Variants in ALK observed in about 807,000 individuals in gnomAD.
ALK encodes ALK tyrosine kinase receptor.
A neutral mutation model predicts 163.1 loss-of-function variants in ALK; 74 were observed. That is an observed-to-expected ratio of 0.45 (90% confidence interval 0.38 to 0.55). The LOEUF (loss-of-function observed/expected upper bound fraction) is 0.55. Ranked by LOEUF, ALK falls within the 20% of genes least tolerant of loss-of-function variation. The pLI is 0.00. For synonymous variants in ALK, 960 were observed against 843.2 expected (o/e 1.14, Z -2.40); for missense variants, 2,063 against 2,105.3 (o/e 0.98, Z 0.39).
At chr2:29,539,440 T>G (rs1041307788) in intron 3 of ALK, among the ~76,000 whole-genome samples, 2 of 152,266 alleles carry the variant, frequency 1.3e-5, no homozygotes, top group South Asian at 4.1e-4. Context: ...CAAATTTCAT[T>G]GCCAGTTGTG....
At chr2:29,839,780 T>C (rs1041260505) in intron 1 of ALK, among the ~76,000 whole-genome samples, 1 of 152,182 alleles carries the variant, frequency 6.6e-6, no homozygotes, top group Non-Finnish European at 1.5e-5. Flanking sequence ...TTCTCTGGAT[T>C]TCTGTGGCTC....
At chr2:29,373,062 C>T (rs915480714) in intron 5 of ALK, among the ~76,000 whole-genome samples, 1 of 152,190 alleles carries the variant, frequency 6.6e-6, no homozygotes, top group African/African-American at 2.4e-5. Flanking sequence ...CAAGCCCCTT[C>T]CCCATCACCA....
At chr2:29,316,499 G>A (rs763910727) in intron 8 of ALK, among the ~76,000 whole-genome samples, 17 of 151,898 alleles carry the variant, frequency 1.1e-4, no homozygotes, top group Non-Finnish European at 2.4e-4. Context: ...TTAGAGAAAT[G>A]ATGAAGTATT....
chr2:29,859,563 C>A (rs79979725), intron 1 of ALK, among the ~76,000 whole-genome samples: 1 of 151,832 alleles, frequency 6.6e-6, no homozygotes, highest in Non-Finnish European at 1.5e-5. Context: ...ACGGCAAAAC[C>A]GCAGGTGGAA....
intron 25 of ALK, among the ~76,000 whole-genome samples, chr2:29,209,332 G>A (rs1198809942): frequency 6.6e-6 from 1 of 151,992 alleles, no homozygotes; most frequent in Non-Finnish European, 1.5e-5. Flanking sequence ...CCTGAGGTTG[G>A]GAGTTTGAGG....
chr2:29,718,442 C>T (rs1679327258), intron 1 of ALK, among the ~76,000 whole-genome samples: 1 of 152,198 alleles, frequency 6.6e-6, no homozygotes, highest in Non-Finnish European at 1.5e-5. Context: ...CAGAAAATCC[C>T]AAGCTCAATC....
chr2:29,606,938 C>A (rs114981301), intron 3 of ALK, among the ~76,000 whole-genome samples: 106 of 152,340 alleles, frequency 7.0e-4, no homozygotes, highest in African/African-American at 2.5e-3. Flanking sequence ...ACAGTGCTCA[C>A]CAGCCTTTAA....
chr2:29,805,266 G>T (rs1395796421), intron 1 of ALK, among the ~76,000 whole-genome samples: 3 of 152,180 alleles, frequency 2.0e-5, no homozygotes, highest in Non-Finnish European at 4.4e-5. Flanking sequence ...TATACAAATA[G>T]GCTCGAGCTC....
At chr2:29,628,405 T>G (rs894009946) in intron 3 of ALK, among the ~76,000 whole-genome samples, 1 of 152,206 alleles carries the variant, frequency 6.6e-6, no homozygotes, top group Non-Finnish European at 1.5e-5. Context: ...CATTTTTTTC[T>G]TAACTCCATG....
At chr2:29,750,767 G>C (rs919451279) in intron 1 of ALK, among the ~76,000 whole-genome samples, 3 of 151,750 alleles carry the variant, frequency 2.0e-5, no homozygotes, top group Non-Finnish European at 2.9e-5. Flanking sequence ...GAAAGAGAAA[G>C]AAAGAGAATG....
chr2:29,437,806 A>G (rs191198531), intron 4 of ALK, among the ~76,000 whole-genome samples: 38 of 152,310 alleles, frequency 2.5e-4, no homozygotes, highest in Non-Finnish European at 4.1e-4. Flanking sequence ...ATTAGTAATC[A>G]ACCAAACTTG....
At chr2:29,673,735 G>A (rs1446614102) in intron 3 of ALK, among the ~76,000 whole-genome samples, 2 of 149,742 alleles carry the variant, frequency 1.3e-5, no homozygotes, top group African/African-American at 4.9e-5. Flanking sequence ...GTAGCTTGAT[G>A]GGGATGGCAT....
At position 29,225,655 on chromosome 2, in the gene ALK, CA is replaced by C. The variant is rs1663958663; in HGVS notation, c.3068-91del. The C allele has an allele frequency of 1.0e-5, 11 of 1,070,456 alleles. No individual in the cohort carries two copies. In the South Asian group the frequency reaches 1.1e-4, roughly 10 times the overall value. The allele number at this position is 1,070,456 out of a possible 1,614,324, so 66.3% of individuals were successfully genotyped here. A position where few individuals can be genotyped will look rare whatever the true frequency, so the allele number is the denominator to read the frequency against. ...TCAGAAATAACCTCCCCCACTGAGA[CA>C]AAAACTACTTGCTCCTTCCCATCGC... is the stretch of plus-strand genomic sequence containing the variant. On this transcript the variant is annotated intron_variant, in intron 18 of 28. Transcript: ENST00000389048.
At chr2:29,917,674 C>T (rs4233753) in intron 1 of ALK, among the ~76,000 whole-genome samples, 51,881 of 152,038 alleles carry the variant, frequency 0.34, 10,473 homozygotes, top group Middle Eastern at 0.47. Context: ...CATATGTCCT[C>T]AGAGAAAGGA....
chr2:29,213,447 G>T (rs543642457), intron 24 of ALK, among the ~76,000 whole-genome samples: 1 of 152,250 alleles, frequency 6.6e-6, no homozygotes, highest in South Asian at 2.1e-4. Flanking sequence ...CAGCATCCTT[G>T]CCTATAAGCC....
chr2:29,703,401 T>A (rs562628733), intron 2 of ALK, among the ~76,000 whole-genome samples: 1 of 152,216 alleles, frequency 6.6e-6, no homozygotes, highest in Non-Finnish European at 1.5e-5. Flanking sequence ...TTCACAGGAA[T>A]AGAGCACAAG....
intron 3 of ALK, among the ~76,000 whole-genome samples, chr2:29,683,245 C>T (rs765675118): frequency 1.2e-4 from 19 of 152,062 alleles, no homozygotes; most frequent in South Asian, 2.1e-4. Context: ...GGTGTGGTGG[C>T]GCACACCTGT....
At chr2:29,418,526 C>T (rs1458195640) in intron 4 of ALK, among the ~76,000 whole-genome samples, 1 of 152,174 alleles carries the variant, frequency 6.6e-6, no homozygotes, top group Non-Finnish European at 1.5e-5. Context: ...TGTAATTTTT[C>T]AGTCCTTACC....
In ALK at chr2:29,216,959, G is replaced by GGCA. The variant is rs1388536488; in HGVS notation, c.3646-2879_3646-2878insTGC. The stretch of plus-strand genomic sequence containing the variant: ...GGTGTGTGTGTGGCATGTGATGTGT[G>GGCA]TGTGGTGTGTGCGTGGTGTGTGTGT... On this transcript the variant is annotated intron_variant, in intron 23 of 28. Coordinates refer to ENST00000389048, the MANE Select transcript of ALK (RefSeq NM_004304.5). Among the ~76,000 whole-genome samples the GGCA allele has an allele frequency of 2.2e-4, 20 of 91,098 alleles. No individual in the cohort carries two copies. The Middle Eastern group carries it at 0.021, about 96-fold the overall frequency. 59.8% of individuals were successfully genotyped at this position (91,098 alleles called of 152,430 possible).
Sources: allele counts gnomAD v4.1 joint callset (sites outside exome capture counted in the v4.1 genomes callset), GRCh38; gene constraint gnomAD v4.1.1; transcripts MANE v1.5; gene names NCBI Gene and HGNC (gene_info 2026-07-23, HGNC 2026-07-21).